PRUNE2: variants seen among roughly 807,000 people sequenced by gnomAD.
The protein encoded by PRUNE2 is prune homolog 2 with BCH domain, also known as protein prune homolog 2.
PRUNE2 carries 164 observed loss-of-function variants against 252.0 expected under a neutral mutation model. That is an observed-to-expected ratio of 0.65 (90% CI 0.57 to 0.74). The LOEUF (loss-of-function observed/expected upper bound fraction) is 0.74, where lower values mean the gene tolerates loss of function less well. PRUNE2 is among the 30% of genes least tolerant of loss of function. PRUNE2 has a pLI of 0.00. For missense variants in PRUNE2, 3,495 were observed against 3,711.0 expected (o/e 0.94, Z 1.51); for synonymous variants, 1,292 against 1,350.2 (o/e 0.96, Z 0.94).
intron 6 of PRUNE2, among the ~76,000 whole-genome samples, chr9:76,820,917 A>G (rs1465717161): frequency 5.3e-5 from 8 of 152,228 alleles, no homozygotes; most frequent in African/African-American, 1.4e-4. Context: ...GCAAACACCC[A>G]TAAGTATTAA....
chr9:76,808,070 C>T (rs139982395), intron 6 of PRUNE2, among the ~76,000 whole-genome samples: 109 of 152,080 alleles, frequency 7.2e-4, no homozygotes, highest in African/African-American at 2.5e-3. Context: ...CCCAGCTACT[C>T]GGGAGGCTGA....
chr9:76,768,579 ATGTATGTGTGTG>A (rs200416709), intron 6 of PRUNE2, among the ~76,000 whole-genome samples: 14,863 of 100,526 alleles, frequency 0.15, 1,153 homozygotes, highest in East Asian at 0.45. Context: ...ATATATGTAT[ATGTATGTGTGTG>A]TGTGTGTGTG....
chr9:76,625,121 TA>T (rs1834117176), intron 16 of PRUNE2: 5 of 1,060,896 alleles, frequency 4.7e-6, no homozygotes, highest in Non-Finnish European at 6.5e-6. Flanking sequence ...AAATGACAAG[TA>T]AATGATTTAA....
At chr9:76,749,536 T>C (rs2050424558) in intron 6 of PRUNE2, among the ~76,000 whole-genome samples, 1 of 152,230 alleles carries the variant, frequency 6.6e-6, no homozygotes. Flanking sequence ...TTCTGAAATT[T>C]ACTCCTTCCT....
chr9:76,837,995 T>C (rs2059149297), intron 4 of PRUNE2, among the ~76,000 whole-genome samples: 1 of 151,846 alleles, frequency 6.6e-6, no homozygotes, highest in Non-Finnish European at 1.5e-5. Context: ...ATGGTCTCGA[T>C]CTCCTGACCT....
Position 76,710,762 on chromosome 9 carries a change from C to T in PRUNE2, c.1512G>A (p.Gly504=), listed in dbSNP as rs1187369694. Reference sequence around the variant, plus strand: ...CAGAATGAGAAGATTGCTGGGACTGCCCAGAAGCCATGGGTGCTGGGTCAA... The same window carrying T: ...CAGAATGAGAAGATTGCTGGGACTGTCCAGAAGCCATGGGTGCTGGGTCAA... The part of the protein sequence containing the change: ...FNFDPAPMAS[G]QSQQSSHSAD... The change falls in exon 8 of 19, where the codon GGG becomes GGA. Residue 504 remains glycine, a synonymous_variant. Coordinates refer to ENST00000376718, the MANE Select transcript of PRUNE2 (RefSeq NM_015225.3). 2 of 1,607,940 alleles carry T rather than the reference C, an allele frequency of 1.2e-6. No homozygotes were observed. The highest frequency in any genetic ancestry group is 1.7e-6 in the Non-Finnish European group (2 of 1,177,426).
chr9:76,835,235 T>C (rs1444362808), intron 4 of PRUNE2, among the ~76,000 whole-genome samples: 1 of 152,116 alleles, frequency 6.6e-6, no homozygotes, highest in Non-Finnish European at 1.5e-5. Flanking sequence ...GGGGAAAACA[T>C]TCAACACAGT....
chr9:76,629,130 A>G, intron 16 of PRUNE2, 62 bp downstream of exon 16: 1 of 1,041,374 alleles, frequency 9.6e-7, no homozygotes, highest in Non-Finnish European at 1.4e-6. Flanking sequence ...GGCGTGAGCC[A>G]CCACACCCAG....
Position 76,707,339 on chromosome 9 carries a change from A to G in PRUNE2, c.4935T>C (p.Tyr1645=). 3 of 1,613,962 alleles carry G rather than the reference A, an allele frequency of 1.9e-6. No individual in the cohort carries two copies. In the South Asian group the frequency reaches 3.3e-5, roughly 18 times the overall value. ...SSLSSPETGK[Y]SEHSGTHQES... The stretch of plus-strand genomic sequence containing the variant: ...CCTGATGTGTCCCTGAATGTTCAGA[A>G]TATTTGCCTGTTTCAGGACTGGATA... Residue 1645 remains tyrosine (Y), a synonymous_variant, in exon 8 of 19, where the codon TAT becomes TAC. Transcript: ENST00000376718.
chr9:76,637,409 C>A lies in PRUNE2; in HGVS notation c.8963+9G>T. On this transcript the variant is annotated intron_variant, in intron 14 of 18. Coordinates refer to ENST00000376718, the MANE Select transcript of PRUNE2 (RefSeq NM_015225.3). The stretch of plus-strand genomic sequence containing the variant: ...TCAAAATAGTGATTAAATAATAGAG[C>A]CCACATACCGTCTGTCAATCATCTG... The A allele has an allele frequency of 6.2e-7, 1 of 1,613,048 alleles. No individual in the cohort carries two copies. Among genetic ancestry groups the A allele is most frequent in the Non-Finnish European group, 8.5e-7 (1 of 1,179,518 alleles).
rs147654759 is a variant in PRUNE2, at chr9:76,905,463, A to G, written c.36+465T>C. 8.0e-3 allele frequency among the ~76,000 whole-genome samples: 1,214 copies of G among 152,324 alleles called. 16 individuals are homozygous for G. Among genetic ancestry groups the G allele is most frequent in the African/African-American group, 0.028 (1,172 of 41,552 alleles). On this transcript the variant is annotated intron_variant, in intron 1 of 18. Coordinates refer to ENST00000376718, the MANE Select transcript of PRUNE2 (RefSeq NM_015225.3). Reference sequence around the variant, plus strand: ...AGCTCTATTCTGTGGATTCTCCAGTACCACACATGTCCTTGCTACCCAGCA... The same window carrying G: ...AGCTCTATTCTGTGGATTCTCCAGTGCCACACATGTCCTTGCTACCCAGCA...
At chr9:76,821,578 A>G (rs984124538) in intron 6 of PRUNE2, among the ~76,000 whole-genome samples, 2 of 152,052 alleles carry the variant, frequency 1.3e-5, no homozygotes, top group Admixed American at 1.3e-4. Flanking sequence ...AGTCATCTTT[A>G]ATATCCCCAT....
chr9:76,641,917 C>G, intron 12 of PRUNE2: 8 of 1,518,616 alleles, frequency 5.3e-6, no homozygotes, highest in Non-Finnish European at 7.0e-6. Context: ...GCCAGCAACT[C>G]TTCTCCTCAT....
rs2057932412 is a variant in PRUNE2, at chr9:76,819,849, C to A, written c.756+3783G>T. Among the ~76,000 whole-genome samples the A allele has an allele frequency of 2.0e-5, 3 of 152,172 alleles. No homozygotes were observed. In the South Asian group the frequency reaches 6.2e-4, roughly 31 times the overall value. On this transcript the variant is annotated intron_variant, in intron 6 of 18. Transcript: ENST00000376718. ...ATGAAAAGATGTTTCTTCCCCTTAA[C>A]GTTTTAATATACTGCTTTACTAGGG... is the stretch of plus-strand genomic sequence containing the variant.
At chr9:76,699,963 T>C (rs1325043767) in intron 9 of PRUNE2, among the ~76,000 whole-genome samples, 1 of 152,230 alleles carries the variant, frequency 6.6e-6, no homozygotes, top group Non-Finnish European at 1.5e-5. Context: ...AACTGGTATT[T>C]GATCCCCTGC....
intron 1 of PRUNE2, chr9:76,863,051 G>A (rs988682457): frequency 1.3e-5 from 2 of 152,148 alleles, no homozygotes; most frequent in African/African-American, 4.8e-5. Flanking sequence ...TTCTTAATAC[G>A]GATCTTCATA....
chr9:76,864,609 T>C (rs1280056749), intron 1 of PRUNE2, among the ~76,000 whole-genome samples: 1 of 152,172 alleles, frequency 6.6e-6, no homozygotes, highest in Non-Finnish European at 1.5e-5. Context: ...ATGATAATAT[T>C]TGCATAATAG....
intron 1 of PRUNE2, among the ~76,000 whole-genome samples, chr9:76,896,647 G>A (rs771617345): frequency 4.6e-5 from 7 of 151,300 alleles, no homozygotes; most frequent in Admixed American, 6.6e-5. Flanking sequence ...TGTGTGTATC[G>A]TGAGCATAAT....
chr9:76,859,193 T>C (rs937440881), intron 1 of PRUNE2, among the ~76,000 whole-genome samples: 1 of 152,204 alleles, frequency 6.6e-6, no homozygotes, highest in Non-Finnish European at 1.5e-5. Flanking sequence ...TCATAATCAA[T>C]GTAAAAAAGA....
Sources: allele counts gnomAD v4.1 joint callset (sites outside exome capture counted in the v4.1 genomes callset), GRCh38; gene constraint gnomAD v4.1.1; transcripts MANE v1.5; gene names NCBI Gene and HGNC (gene_info 2026-07-23, HGNC 2026-07-21).